Variants in SLC28A2 observed in about 807,000 individuals in gnomAD.
The protein encoded by SLC28A2 is sodium/nucleoside cotransporter 2.
SLC28A2 carries 69 observed loss-of-function variants against 72.9 expected under a neutral mutation model. The ratio of observed to expected loss-of-function variants is 0.95; its 90% CI spans 0.78 to 1.16. The LOEUF (loss-of-function observed/expected upper bound fraction) is 1.16. SLC28A2 is among the 50% of genes most tolerant of loss of function. The pLI is 0.00. For missense variants in SLC28A2, 745 were observed against 791.1 expected (o/e 0.94, Z 0.70); for synonymous variants, 296 against 294.1 (o/e 1.01, Z -0.07).
Position 45,268,309 on chromosome 15 carries a change from G to T in SLC28A2, c.1299G>T (p.Val433=). The T allele has an allele frequency of 6.2e-7, 1 of 1,612,610 alleles. No homozygotes were observed. Among genetic ancestry groups the T allele is most frequent in the Non-Finnish European group, 8.5e-7 (1 of 1,178,736 alleles). ...VAANLIAFLA[V]LAFINAALSW... ...CCAACCTGATTGCCTTTTTGGCTGT[G>T]TTGGCCTTCATCAATGCTGCCCTCT... Residue 433 remains valine, a synonymous_variant, in exon 13 of 18, where the codon GTG becomes GTT. Coordinates refer to ENST00000347644, the MANE Select transcript of SLC28A2 (RefSeq NM_004212.4).
At chr15:45,260,676 C>T (rs1288241497) in intron 3 of SLC28A2, among the ~76,000 whole-genome samples, 2 of 152,114 alleles carry the variant, frequency 1.3e-5, no homozygotes, top group Non-Finnish European at 2.9e-5. Context: ...GCAGGAGGGT[C>T]ACTTGAGCCT....
At position 45,263,110 on chromosome 15, in the gene SLC28A2, AC is replaced by A; in HGVS notation, c.313del (p.Leu105TrpfsTer10). On this transcript the variant is annotated frameshift_variant, in exon 5 of 18. Coordinates refer to ENST00000347644, the MANE Select transcript of SLC28A2 (RefSeq NM_004212.4). LOFTEE classifies it high-confidence loss of function. ...CTTGCATCTTGAATTTCCAGAGGGC[AC>A]TGGCCTTGTTTGTCATCACCTGCTT... is the stretch of plus-strand genomic sequence containing the variant. ...AACILNFQRA[L>X]ALFVITCLVI... 1 of 1,614,004 alleles carries A rather than the reference AC, an allele frequency of 6.2e-7. No individual in the cohort carries two copies. Among genetic ancestry groups the A allele is most frequent in the Non-Finnish European group, 8.5e-7 (1 of 1,179,920 alleles).
At position 45,269,345 on chromosome 15, in the gene SLC28A2, G is replaced by T; in HGVS notation, c.1376G>T (p.Cys459Phe). 1 of 1,613,592 alleles carries T rather than the reference G, an allele frequency of 6.2e-7. No individual in the cohort carries two copies. Among genetic ancestry groups the T allele is most frequent in the Non-Finnish European group, 8.5e-7 (1 of 1,179,592 alleles). The change falls in exon 14 of 18, where the codon TGC becomes TTC. Residue 459 changes from cysteine to phenylalanine, a missense_variant. Cys to Phe is a radical substitution (Grantham distance 205). Transcript: ENST00000347644. ...DIQGLTFQVICSYLLRPMVFM... is the reference protein window; with the variant it reads ...DIQGLTFQVIFSYLLRPMVFM... ...TATCTCTCTTTCACTCAGGTCATCT[G>T]CTCCTATCTCCTAAGGCCCATGGTT...
intron 13 of SLC28A2, 109 bp from the exon 14 acceptor site, chr15:45,269,229 T>C: frequency 1.2e-6 from 1 of 815,252 alleles, no homozygotes; most frequent in Non-Finnish European, 2.0e-6. Context: ...AGAGAGAGCA[T>C]GAATAGAAGG....
Position 45,253,495 on chromosome 15 carries a change from G to T in SLC28A2, c.145G>T (p.Gly49Ter), listed in dbSNP as rs116438435. 6.2e-7 allele frequency: 1 copy of T among 1,613,008 alleles called. No homozygotes were observed. The highest frequency in any genetic ancestry group is 2.2e-5 in the East Asian group (1 of 44,900). ...TDAQGHSLGD[G>*]LGPSTYQRRS... ...CGCACAAGGACACAGCCTGGGGGAT[G>T]GACTGGGCCCTTCCACTTACCAGAG... The change falls in exon 3 of 18, where the codon GGA (glycine) becomes TGA (stop). Residue 49 changes from glycine to a stop codon, truncating the protein, a stop_gained. Transcript: ENST00000347644. LOFTEE classifies it high-confidence loss of function.
intron 4 of SLC28A2, among the ~76,000 whole-genome samples, chr15:45,262,552 T>C (rs986281600): frequency 6.6e-6 from 1 of 152,188 alleles, no homozygotes; most frequent in Non-Finnish European, 1.5e-5. Context: ...AATGTCAAAA[T>C]AGGAGGCACC....
In SLC28A2 at chr15:45,267,474, T is replaced by C; in HGVS notation, c.962T>C (p.Ile321Thr). Residue 321 changes from isoleucine (I) to threonine (T), a missense_variant, in exon 11 of 18, where the codon ATC (isoleucine) becomes ACC (threonine). Ile to Thr is a moderately conservative substitution (Grantham distance 89). Coordinates refer to ENST00000347644, the MANE Select transcript of SLC28A2 (RefSeq NM_004212.4). ...TTGTAGACAGAGGCACCTCTGCTCA[T>C]CCGTCCCTACCTTGGGGACATGACA... ...FVGMTEAPLLIRPYLGDMTLS... is the reference protein window; with the variant it reads ...FVGMTEAPLLTRPYLGDMTLS... 2 of 1,614,148 alleles carry C rather than the reference T, an allele frequency of 1.2e-6. No homozygotes were observed.
chr15:45,265,276 C>T, intron 8 of SLC28A2, 110 bp downstream of exon 8: 1 of 795,498 alleles, frequency 1.3e-6, no homozygotes, highest in Non-Finnish European at 2.2e-6. Flanking sequence ...ACCAATTTGA[C>T]CCTAACAAGA....
chr15:45,267,897 G>T, intron 12 of SLC28A2, 101 bp downstream of exon 12: 2 of 1,358,746 alleles, frequency 1.5e-6, no homozygotes, highest in Non-Finnish European at 2.1e-6. Context: ...GGAATAATGT[G>T]ATTCCATATT....
chr15:45,270,481 C>T (rs1211799705), intron 15 of SLC28A2, among the ~76,000 whole-genome samples: 1 of 152,130 alleles, frequency 6.6e-6, no homozygotes, highest in Non-Finnish European at 1.5e-5. Context: ...ATCTCAACTT[C>T]AGTTACTTCT....
chr15:45,275,238 G>A (rs546799983), intron 17 of SLC28A2, among the ~76,000 whole-genome samples, 158 bp from the exon 18 acceptor site: 2 of 152,324 alleles, frequency 1.3e-5, no homozygotes, highest in South Asian at 2.1e-4. Flanking sequence ...GGGAATGAAT[G>A]AGAAAAGAAA....
chr15:45,264,638 A>G lies in SLC28A2; in HGVS notation c.589-17A>G, dbSNP rs1046212565. On this transcript the variant is annotated splice_polypyrimidine_tract_variant and intron_variant, in intron 6 of 17. Transcript: ENST00000347644. The stretch of plus-strand genomic sequence containing the variant: ...CTAGCAGAACTCACATTGAAATAAT[A>G]TTCTTATTGATCCTAGGTGTCCTGG... 14 of 1,514,616 alleles carry G rather than the reference A, an allele frequency of 9.2e-6. No homozygotes were observed. The highest frequency in any genetic ancestry group is 9.2e-6 in the Non-Finnish European group (10 of 1,089,574). The allele number at this position is 1,514,616 out of a possible 1,614,324, so 93.8% of individuals were successfully genotyped here.
At chr15:45,274,735 G>A (rs539991815) in intron 17 of SLC28A2, among the ~76,000 whole-genome samples, 20 of 149,054 alleles carry the variant, frequency 1.3e-4, no homozygotes, top group African/African-American at 5.1e-4. Flanking sequence ...CTCTGGCATC[G>A]TTTTGATTCT....
chr15:45,270,145 C>T (rs373219101), intron 14 of SLC28A2, 50 bp from the exon 15 acceptor site: 75 of 1,232,748 alleles, frequency 6.1e-5, no homozygotes, highest in African/African-American at 4.9e-4. Context: ...ATTATAAGAC[C>T]GCACGCATGG....
rs187811892 is a variant in SLC28A2, at chr15:45,272,401, C to T, written c.1747+8C>T. On this transcript the variant is annotated splice_region_variant and intron_variant, in intron 16 of 17. Transcript: ENST00000347644. ...TCAGTGCCTGTATGGCAGGTAGGTG[C>T]CTCAGCTCTGATGGAGATACTGCTG... is the stretch of plus-strand genomic sequence containing the variant. 6.9e-6 allele frequency: 11 copies of T among 1,603,814 alleles called. No homozygotes were observed. In the South Asian group the frequency reaches 1.2e-4, roughly 18 times the overall value.
At chr15:45,261,083 C>T (rs1276104115) in intron 3 of SLC28A2, among the ~76,000 whole-genome samples, 1 of 152,216 alleles carries the variant, frequency 6.6e-6, no homozygotes, top group Non-Finnish European at 1.5e-5. Flanking sequence ...GGCTAAGCTG[C>T]CCTGCCTCAG....
chr15:45,263,145 T>C lies in SLC28A2; in HGVS notation c.347T>C (p.Phe116Ser). The change falls in exon 5 of 18, where the codon TTT (phenylalanine) becomes TCT (serine). Residue 116 changes from phenylalanine (F) to serine (S), a missense_variant. Phe to Ser is a radical substitution (Grantham distance 155). Transcript: ENST00000347644. ...TTTGTCATCACCTGCTTGGTGATCTTTGTCCTGGTTCACTCGTTTTTGAAA... is the reference window on the plus strand; with the variant it reads ...TTTGTCATCACCTGCTTGGTGATCTCTGTCCTGGTTCACTCGTTTTTGAAA... ...ALFVITCLVI[F>S]VLVHSFLKKL... 3.7e-6 allele frequency: 6 copies of C among 1,614,022 alleles called. No homozygotes were observed. Among genetic ancestry groups the C allele is most frequent in the Non-Finnish European group, 5.1e-6 (6 of 1,179,918 alleles).
At chr15:45,257,151 T>C (rs1345031177) in intron 3 of SLC28A2, among the ~76,000 whole-genome samples, 1 of 152,216 alleles carries the variant, frequency 6.6e-6, no homozygotes, top group African/African-American at 2.4e-5. Flanking sequence ...CTGTCTTCAT[T>C]TTTTGTCTTT....
rs1177439275 is a variant in SLC28A2 at position 45,275,405 on chromosome 15, G to A, written c.1869G>A (p.Leu623=). The change falls in exon 18 of 18, where the codon CTG becomes CTA. Residue 623 remains leucine (L), a synonymous_variant. Coordinates refer to ENST00000347644, the MANE Select transcript of SLC28A2 (RefSeq NM_004212.4). ...TGGTTTTTCACTGCAGTACTTCTCT[G>A]AATGGCACCAACCCTCCTTCTTTTT... is the stretch of plus-strand genomic sequence containing the variant. ...CCRGLFQSTS[L]NGTNPPSFSG... is the part of the protein sequence containing the mutation. 1.2e-6 allele frequency: 2 copies of A among 1,609,938 alleles called. No individual in the cohort carries two copies. The highest frequency in any genetic ancestry group is 2.2e-5 in the South Asian group (2 of 90,936).
Sources: allele counts gnomAD v4.1 joint callset (sites outside exome capture counted in the v4.1 genomes callset), GRCh38; gene constraint gnomAD v4.1.1; transcripts MANE v1.5; gene names NCBI Gene and HGNC (gene_info 2026-07-23, HGNC 2026-07-21).